The following STIM2 variants were observed in gnomAD, a reference collection of about 807,000 sequenced individuals.
STIM2 encodes the protein stromal interaction molecule 2.
A neutral mutation model predicts 85.8 loss-of-function variants in STIM2; 31 were observed. The observed-to-expected ratio is 0.36, with a 90% CI of 0.27 to 0.49. The LOEUF (loss-of-function observed/expected upper bound fraction) is 0.49. Among genes scored for constraint, STIM2 ranks in the 20% least tolerant of loss-of-function variants. The pLI, the probability that STIM2 is intolerant of heterozygous loss-of-function variation, is 0.98. For missense variants in STIM2, 841 were observed against 927.6 expected (o/e 0.91, Z 1.21); for synonymous variants, 356 against 331.1 (o/e 1.08, Z -0.82).
intron 1 of STIM2, among the ~76,000 whole-genome samples, chr4:26,918,088 GTTTCC>G (rs1724655616): frequency 6.6e-6 from 1 of 151,826 alleles, no homozygotes; most frequent in Admixed American, 6.6e-5. Flanking sequence ...TACTTTTATA[GTTTCC>G]TTTCTTTTCT....
intron 1 of STIM2, among the ~76,000 whole-genome samples, chr4:26,871,317 A>C (rs1722603749): frequency 6.6e-6 from 1 of 152,192 alleles, no homozygotes; most frequent in Non-Finnish European, 1.5e-5. Context: ...TTAAAGCATA[A>C]GGTATATATG....
At chr4:26,940,111 A>T (rs1321500720) in intron 2 of STIM2, among the ~76,000 whole-genome samples, 1 of 152,118 alleles carries the variant, frequency 6.6e-6, no homozygotes, top group Non-Finnish European at 1.5e-5. Flanking sequence ...CAGAACAGGG[A>T]AGTACTAAAG....
At chr4:27,021,112 C>A in intron 11 of STIM2, 1 of 1,436,908 alleles carries the variant, frequency 7.0e-7, no homozygotes, top group South Asian at 1.2e-5. Flanking sequence ...TCACTCTGTT[C>A]ATTCATTCAT....
chr4:26,928,522 T>C (rs1213056143), intron 2 of STIM2, among the ~76,000 whole-genome samples: 2 of 152,180 alleles, frequency 1.3e-5, no homozygotes, highest in Admixed American at 6.6e-5. Flanking sequence ...TCATCAGATA[T>C]ACTTTTTTAA....
At chr4:26,975,071 A>C (rs533962910) in intron 3 of STIM2, among the ~76,000 whole-genome samples, 1 of 152,056 alleles carries the variant, frequency 6.6e-6, no homozygotes, top group South Asian at 2.1e-4. Context: ...TTCTCGTGCC[A>C]TAGTTTTCAG....
rs778428872 is a variant in STIM2, at chr4:26,861,169, C to T, written c.-50C>T. On this transcript the variant is annotated 5_prime_UTR_variant, in exon 1 of 12. Transcript: ENST00000467087. ...CCTCGGCGCCTTCATCCCGCCTCGA[C>T]TCCTGGCCCAGCGTGGGGCTGGCTG... 8 of 1,396,896 alleles carry T rather than the reference C, an allele frequency of 5.7e-6. No individual in the cohort carries two copies. Among genetic ancestry groups the T allele is most frequent in the Middle Eastern group, 2.7e-4 (1 of 3,740 alleles). 86.5% of individuals were successfully genotyped at this position (1,396,896 alleles called of 1,614,324 possible).
chr4:26,988,186 A>G (rs1577481718), intron 3 of STIM2, among the ~76,000 whole-genome samples: 2 of 152,336 alleles, frequency 1.3e-5, no homozygotes, highest in East Asian at 3.9e-4. Flanking sequence ...GTAAAATAAC[A>G]AGTTCCTGCC....
At chr4:26,889,129 C>T (rs570379004) in intron 1 of STIM2, among the ~76,000 whole-genome samples, 7 of 152,288 alleles carry the variant, frequency 4.6e-5, no homozygotes, top group African/African-American at 1.7e-4. Flanking sequence ...TAGTGAGTGG[C>T]CCCACTCTTA....
intron 3 of STIM2, among the ~76,000 whole-genome samples, chr4:26,958,583 G>T (rs1726333364): frequency 6.6e-6 from 1 of 152,144 alleles, no homozygotes. Flanking sequence ...TAGTGTAGAA[G>T]ATGGTAGATA....
intron 3 of STIM2, among the ~76,000 whole-genome samples, chr4:26,967,945 A>G (rs2109101775): frequency 6.6e-6 from 1 of 152,218 alleles, no homozygotes; most frequent in South Asian, 2.1e-4. Flanking sequence ...ATCATTATTA[A>G]CAGGCAGGAA....
chr4:26,976,834 A>G (rs1232463780), intron 3 of STIM2, among the ~76,000 whole-genome samples: 1 of 152,172 alleles, frequency 6.6e-6, no homozygotes, highest in African/African-American at 2.4e-5. Context: ...TTTTCCTGTG[A>G]GACAGGACAG....
intron 3 of STIM2, among the ~76,000 whole-genome samples, chr4:26,964,834 A>G (rs960821196): frequency 6.6e-6 from 1 of 152,192 alleles, no homozygotes; most frequent in Non-Finnish European, 1.5e-5. Flanking sequence ...TGTAGAAGGC[A>G]CTGTGGGATA....
At chr4:26,977,285 A>G (rs896995910) in intron 3 of STIM2, among the ~76,000 whole-genome samples, 1 of 152,220 alleles carries the variant, frequency 6.6e-6, no homozygotes, top group African/African-American at 2.4e-5. Flanking sequence ...GTGGGAGACA[A>G]ATTGATCAGG....
chr4:26,869,072 A>G (rs1281400391), intron 1 of STIM2, among the ~76,000 whole-genome samples: 1 of 152,128 alleles, frequency 6.6e-6, no homozygotes, highest in Non-Finnish European at 1.5e-5. Flanking sequence ...AGATGGGCAG[A>G]TCACTTGAGC....
intron 1 of STIM2, chr4:26,873,930 G>T: frequency 7.4e-7 from 1 of 1,352,002 alleles, no homozygotes; most frequent in Middle Eastern, 2.4e-4. Context: ...CCTCCAGACA[G>T]CTGGGTGCTC....
intron 1 of STIM2, among the ~76,000 whole-genome samples, chr4:26,918,362 A>G (rs1202965620): frequency 1.3e-5 from 2 of 151,878 alleles, no homozygotes; most frequent in East Asian, 3.9e-4. Context: ...GATCTTAGTA[A>G]GTATCTCTAC....
intron 1 of STIM2, among the ~76,000 whole-genome samples, chr4:26,899,093 A>G (rs1723823452): frequency 6.6e-6 from 1 of 152,006 alleles, no homozygotes; most frequent in Admixed American, 6.6e-5. Flanking sequence ...GCTATAGATT[A>G]TTTATCAAGA....
At chr4:26,882,686 T>C (rs1396849243) in intron 1 of STIM2, among the ~76,000 whole-genome samples, 4 of 152,164 alleles carry the variant, frequency 2.6e-5, no homozygotes, top group East Asian at 1.9e-4. Context: ...GGTCTTGAAC[T>C]CCCAGGCTCA....
rs116708941 is a variant in STIM2, at chr4:26,865,088, G to C, written c.151+3719G>C. ...AGACCTTTGTTCCTCTTATGACGTTGTTCTTTCTGAACTTCCTAAAGCCAT... is the reference window on the plus strand; with the variant it reads ...AGACCTTTGTTCCTCTTATGACGTTCTTCTTTCTGAACTTCCTAAAGCCAT... On this transcript the variant is annotated intron_variant, in intron 1 of 11. Transcript: ENST00000467087. 7.9e-3 allele frequency among the ~76,000 whole-genome samples: 1,206 copies of C among 152,208 alleles called. 16 individuals carry two copies. The highest frequency in any genetic ancestry group is 0.027 in the African/African-American group (1,124 of 41,536).
Sources: gnomAD v4.1 joint callset for allele counts (sites outside exome capture counted in the v4.1 genomes callset) on GRCh38, gnomAD v4.1.1 for gene constraint, MANE v1.5 for transcripts, NCBI Gene and HGNC (gene_info 2026-07-23, HGNC 2026-07-21) for gene names.